The following SYNPR variants were observed in gnomAD, a reference collection of about 807,000 sequenced individuals.
SYNPR encodes synaptoporin.
SYNPR carries 23 observed loss-of-function variants against 32.9 expected under a neutral mutation model. The observed-to-expected ratio is 0.70, with a 90% CI of 0.50 to 0.99. The LOEUF is 0.99. Ranked by LOEUF, SYNPR falls within the 50% of genes least tolerant of loss-of-function variation. The probability of loss-of-function intolerance (pLI) is 0.00; values close to 1 mark genes in which losing one functional copy is unlikely to be tolerated. For missense variants in SYNPR, 318 were observed against 349.3 expected (o/e 0.91, Z 0.71); for synonymous variants, 146 against 135.9 (o/e 1.07, Z -0.52).
chr3:63,221,618 T>C, the SYNPR span, among the ~76,000 whole-genome samples: 2 of 152,240 alleles, frequency 1.3e-5, no homozygotes, highest in Admixed American at 6.5e-5. Context: ...CCAGGAAATA[T>C]GCAGACCTGG....
chr3:63,582,154 T>C (rs1335336705), intron 4 of SYNPR, among the ~76,000 whole-genome samples: 2 of 152,122 alleles, frequency 1.3e-5, no homozygotes, highest in Non-Finnish European at 2.9e-5. Context: ...GGCTTCATTT[T>C]AGTAACAGTG....
At chr3:63,374,169 T>C (rs1383685002) in intron 2 of SYNPR, among the ~76,000 whole-genome samples, 2 of 152,242 alleles carry the variant, frequency 1.3e-5, no homozygotes, top group Non-Finnish European at 2.9e-5. Flanking sequence ...TGATGTTGGC[T>C]GTGGGTTTGT....
intron 2 of SYNPR, among the ~76,000 whole-genome samples, chr3:63,365,006 G>A (rs950940110): frequency 6.6e-6 from 1 of 152,144 alleles, no homozygotes; most frequent in East Asian, 1.9e-4. Flanking sequence ...TGAAAAGGTT[G>A]ACTTTGGAGA....
At chr3:63,587,227 C>A (rs548452784) in intron 4 of SYNPR, among the ~76,000 whole-genome samples, 94 of 152,116 alleles carry the variant, frequency 6.2e-4, no homozygotes, top group Non-Finnish European at 1.1e-3. Flanking sequence ...TCTTCACCAT[C>A]ATCATCACGA....
chr3:63,595,717 TTATATATATATATA>T (rs1169780634), intron 4 of SYNPR, among the ~76,000 whole-genome samples: 66 of 17,876 alleles, frequency 3.7e-3, no homozygotes, highest in South Asian at 8.6e-3. Context: ...GAATCTTATT[TTATATATATATATA>T]TATATATATA....
At chr3:63,449,837 G>T (rs1482189809) in intron 2 of SYNPR, among the ~76,000 whole-genome samples, 1 of 152,084 alleles carries the variant, frequency 6.6e-6, no homozygotes, top group African/African-American at 2.4e-5. Flanking sequence ...GATTCTAGCA[G>T]TCAACTAGTA....
chr3:63,404,435 T>C (rs2107106300), intron 2 of SYNPR, among the ~76,000 whole-genome samples: 1 of 152,286 alleles, frequency 6.6e-6, no homozygotes, highest in East Asian at 1.9e-4. Flanking sequence ...AAAATGTTTT[T>C]CAGACAAGAT....
chr3:63,398,876 A>G (rs2088253368), intron 2 of SYNPR, among the ~76,000 whole-genome samples: 1 of 152,214 alleles, frequency 6.6e-6, no homozygotes, highest in African/African-American at 2.4e-5. Context: ...CCTGGGATAT[A>G]GCTGGCTTCA....
At chr3:63,222,011 A>ATT in the SYNPR span, among the ~76,000 whole-genome samples, 17,788 of 56,174 alleles carry the variant, frequency 0.32, 4,814 homozygotes, top group Non-Finnish European at 0.45. Context: ...GCCATGCTCA[A>ATT]TTTTTTTTTT....
At chr3:63,563,122 C>T (rs1466812076) in intron 4 of SYNPR, among the ~76,000 whole-genome samples, 1 of 152,146 alleles carries the variant, frequency 6.6e-6, no homozygotes, top group East Asian at 1.9e-4. Context: ...TGATTGACTG[C>T]TGCTTTCACA....
chr3:63,447,639 AGT>A (rs78448567), intron 2 of SYNPR, among the ~76,000 whole-genome samples: 30,105 of 151,978 alleles, frequency 0.2, 4,015 homozygotes, highest in African/African-American at 0.36. Flanking sequence ...CTTGGTCATC[AGT>A]GTGTCTTTAA....
At chr3:63,302,460 C>A (rs1223242070) in intron 2 of SYNPR, among the ~76,000 whole-genome samples, 1 of 152,054 alleles carries the variant, frequency 6.6e-6, no homozygotes, top group Non-Finnish European at 1.5e-5. Context: ...TCTAAAGCCA[C>A]ATGGATTATA....
chr3:63,204,789 T>A, the SYNPR span, among the ~76,000 whole-genome samples: 1 of 152,126 alleles, frequency 6.6e-6, no homozygotes. Context: ...GTTCAACTGA[T>A]TCTCCTGCCT....
chr3:63,328,841 C>A (rs917872987), intron 2 of SYNPR, among the ~76,000 whole-genome samples: 1 of 152,106 alleles, frequency 6.6e-6, no homozygotes, highest in Non-Finnish European at 1.5e-5. Flanking sequence ...TTTCTTCTAC[C>A]TTTTATTGAT....
intron 1 of SYNPR, among the ~76,000 whole-genome samples, chr3:63,233,536 T>C (rs1023394658): frequency 6.6e-6 from 1 of 152,230 alleles, no homozygotes; most frequent in African/African-American, 2.4e-5. Flanking sequence ...CATGTGGAAC[T>C]CTAGAATTCC....
At chr3:63,600,207 G>A (rs1236133428) in intron 4 of SYNPR, among the ~76,000 whole-genome samples, 1 of 152,194 alleles carries the variant, frequency 6.6e-6, no homozygotes, top group Non-Finnish European at 1.5e-5. Context: ...TTAGCAGAGT[G>A]CTGGCGTATA....
intron 3 of SYNPR, among the ~76,000 whole-genome samples, chr3:63,505,312 G>A (rs1701567016): frequency 6.6e-6 from 1 of 152,116 alleles, no homozygotes; most frequent in Non-Finnish European, 1.5e-5. Context: ...CCTTACCGAA[G>A]GCCACAGGGC....
At chr3:63,536,670 G>A (rs545998090) in intron 3 of SYNPR, among the ~76,000 whole-genome samples, 2 of 152,042 alleles carry the variant, frequency 1.3e-5, no homozygotes, top group East Asian at 1.9e-4. Flanking sequence ...AAATCTGTAC[G>A]TGAATGTTCC....
chr3:63,346,366 T>C (rs2107010483), intron 2 of SYNPR, among the ~76,000 whole-genome samples: 1 of 152,344 alleles, frequency 6.6e-6, no homozygotes, highest in East Asian at 1.9e-4. Flanking sequence ...TGCGCTGTTT[T>C]ACTTTCTAAA....
Sources: gnomAD v4.1 joint callset for allele counts (sites outside exome capture counted in the v4.1 genomes callset) on GRCh38, gnomAD v4.1.1 for gene constraint, MANE v1.5 for transcripts, NCBI Gene and HGNC (gene_info 2026-07-23, HGNC 2026-07-21) for gene names.